The following ADORA1 variants were observed in gnomAD, a reference collection of about 807,000 sequenced individuals.
ADORA1 encodes adenosine A1 receptor, also known as adenosine receptor A1.
In ADORA1, 6 loss-of-function variants were observed where a neutral mutation model predicts 19.9. That is an observed-to-expected ratio of 0.30 (90% CI 0.17 to 0.59). The LOEUF (loss-of-function observed/expected upper bound fraction) is 0.59, where lower values mean the gene tolerates loss of function less well. ADORA1 is among the 20% of genes least tolerant of loss of function. The pLI, the probability that ADORA1 is intolerant of heterozygous loss-of-function variation, is 0.87. For missense variants in ADORA1, 302 were observed against 439.2 expected, an observed-to-expected ratio of 0.69 and a Z score of 2.79; for synonymous variants, 194 against 188.4, an observed-to-expected ratio of 1.03 and a Z score of -0.24.
intron 3 of ADORA1, among the ~76,000 whole-genome samples, chr1:203,131,452 C>T (rs916192772): frequency 5.3e-5 from 8 of 152,220 alleles, no homozygotes; most frequent in Admixed American, 1.3e-4. Flanking sequence ...CCTCAGTAAA[C>T]GTTGATTGAA....
chr1:203,165,414 C>G lies in ADORA1; in HGVS notation c.495C>G (p.Pro165=). Residue 165 remains proline (P), a synonymous_variant, in exon 4 of 4, where the codon CCC becomes CCG. Transcript: ENST00000337894. This position sits in a 1 kb window ranked among gnomAD's most constrained non-coding sequence, Gnocchi z 5.9. ...CAGCCAACGGCAGCATGGGGGAGCC[C>G]GTGATCAAGTGCGAGTTCGAGAAGG... ...AWAANGSMGE[P]VIKCEFEKVI... 6.2e-7 allele frequency: 1 copy of G among 1,611,564 alleles called. No homozygotes were observed. The highest frequency in any genetic ancestry group is 8.5e-7 in the Non-Finnish European group (1 of 1,178,840).
At chr1:203,155,016 TTTATTA>T (rs4020534) in intron 3 of ADORA1, among the ~76,000 whole-genome samples, 37,240 of 142,192 alleles carry the variant, frequency 0.26, 5,379 homozygotes, top group Middle Eastern at 0.37. Context: ...GCTCTTCCTA[TTTATTA>T]TTATTATTAT....
chr1:203,161,990 C>T (rs1370307524), intron 3 of ADORA1, among the ~76,000 whole-genome samples: 2 of 152,212 alleles, frequency 1.3e-5, no homozygotes, highest in African/African-American at 2.4e-5. Context: ...CTGAGCTGCA[C>T]ACTCCTGAGA....
Position 203,128,200 on chromosome 1 carries a change from CA to C in ADORA1, c.-212-77del. 1 of 618,476 alleles carries C rather than the reference CA, an allele frequency of 1.6e-6. No homozygotes were observed. The highest frequency in any genetic ancestry group is 1.9e-5 in the African/African-American group (1 of 51,378). 38.3% of individuals were successfully genotyped at this position (618,476 alleles called of 1,614,324 possible). ...AGACCCACGTCTGCCACCCCAGTCC[CA>C]GGTGCGAAACAGGGGCGCTACCTCT... On this transcript the variant is annotated intron_variant, in intron 1 of 3. Transcript: ENST00000337894. This position sits in a 1 kb window ranked among gnomAD's most constrained non-coding sequence, Gnocchi z 5.9.
intron 3 of ADORA1, among the ~76,000 whole-genome samples, chr1:203,161,193 C>T (rs780769743): frequency 1.3e-5 from 2 of 152,242 alleles, no homozygotes; most frequent in African/African-American, 2.4e-5. Context: ...CTTTCCCTCT[C>T]AGGGTCTCTG....
chr1:203,143,668 C>A (rs1052775988), intron 3 of ADORA1, among the ~76,000 whole-genome samples: 1 of 152,222 alleles, frequency 6.6e-6, no homozygotes, highest in Non-Finnish European at 1.5e-5. Context: ...TCCATGCAGC[C>A]CCTGCCCCCA....
intron 3 of ADORA1, among the ~76,000 whole-genome samples, chr1:203,146,102 G>A (rs1357676321): frequency 1.3e-5 from 2 of 152,008 alleles, no homozygotes; most frequent in African/African-American, 4.8e-5. Context: ...TCTCAAGGAA[G>A]GAAGACTTGC....
In ADORA1 at chr1:203,147,383, C is replaced by T. The variant is rs181182073; in HGVS notation, c.342-17878C>T. Among the ~76,000 whole-genome samples, 6 of 152,248 alleles carry T rather than the reference C, an allele frequency of 3.9e-5. No homozygotes were observed. The South Asian group carries it at 6.2e-4, about 16-fold the overall frequency. ...ACTGGTCACTCTGGTGAATCTGTGA[C>T]GGACCCTGCAGGGATTTGTGTTCCT... On this transcript the variant is annotated intron_variant, in intron 3 of 3. Transcript: ENST00000337894.
intron 3 of ADORA1, among the ~76,000 whole-genome samples, chr1:203,161,511 G>A (rs1655366303): frequency 6.6e-6 from 1 of 151,458 alleles, no homozygotes; most frequent in Non-Finnish European, 1.5e-5. Context: ...ATTCCTTGTG[G>A]GATTTTATGC....
chr1:203,152,957 C>A (rs2102757118), intron 3 of ADORA1, among the ~76,000 whole-genome samples: 1 of 152,250 alleles, frequency 6.6e-6, no homozygotes, highest in Admixed American at 6.5e-5. Context: ...GGTTCAGAGG[C>A]AAATATACTT....
chr1:203,146,293 G>T (rs367548458), intron 3 of ADORA1, among the ~76,000 whole-genome samples: 1 of 152,162 alleles, frequency 6.6e-6, no homozygotes, highest in Middle Eastern at 3.4e-3. Flanking sequence ...ACTTCCCTTC[G>T]CCACTGTCTT....
Position 203,153,367 on chromosome 1 carries a change from G to T in ADORA1, c.342-11894G>T, listed in dbSNP as rs150743575. On this transcript the variant is annotated intron_variant, in intron 3 of 3. Transcript: ENST00000337894. The stretch of plus-strand genomic sequence containing the variant: ...AATCCGAAGGACAGACAGTTGGGGA[G>T]GTTGCCAGAATAGAGGGTGTTACTG... Among the ~76,000 whole-genome samples the T allele has an allele frequency of 7.5e-4, 114 of 152,306 alleles. No individual in the cohort carries two copies. The East Asian group carries it at 0.021, about 28-fold the overall frequency.
At chr1:203,156,448 G>T (rs1292133383) in intron 3 of ADORA1, among the ~76,000 whole-genome samples, 1 of 152,186 alleles carries the variant, frequency 6.6e-6, no homozygotes, top group Non-Finnish European at 1.5e-5. Context: ...CCTGAGGTAG[G>T]AGAGTGCCCC....
intron 3 of ADORA1, among the ~76,000 whole-genome samples, chr1:203,132,815 C>G (rs896379585): frequency 5.3e-5 from 8 of 152,172 alleles, no homozygotes; most frequent in African/African-American, 1.7e-4. Context: ...CCACTACACT[C>G]TAGCCTGGGC....
chr1:203,136,409 C>T (rs1654509152), intron 3 of ADORA1, among the ~76,000 whole-genome samples: 1 of 152,120 alleles, frequency 6.6e-6, no homozygotes, highest in African/African-American at 2.4e-5. Context: ...AATTTTATTC[C>T]CCAGCAGAAC....
chr1:203,156,131 A>G (rs1300406007), intron 3 of ADORA1, among the ~76,000 whole-genome samples: 1 of 152,244 alleles, frequency 6.6e-6, no homozygotes, highest in Non-Finnish European at 1.5e-5. Flanking sequence ...AGTGGTTAAC[A>G]TGCCAAAGGT....
chr1:203,157,013 G>A (rs1655217701), intron 3 of ADORA1, among the ~76,000 whole-genome samples: 2 of 152,366 alleles, frequency 1.3e-5, no homozygotes, highest in South Asian at 4.1e-4. Context: ...AGCTTTGAGG[G>A]ACACATTCAA....
chr1:203,133,577 G>C (rs1233690076), intron 3 of ADORA1, among the ~76,000 whole-genome samples: 1 of 152,226 alleles, frequency 6.6e-6, no homozygotes, highest in Admixed American at 6.5e-5. Context: ...CCAAGAAGCT[G>C]TAGGATTTTT....
At chr1:203,150,469 G>A (rs1167616256) in intron 3 of ADORA1, among the ~76,000 whole-genome samples, 2 of 152,220 alleles carry the variant, frequency 1.3e-5, no homozygotes, top group African/African-American at 4.8e-5. Context: ...TATGTGGAGG[G>A]ACACAGGGCA....
Sources: allele counts gnomAD v4.1 joint callset (sites outside exome capture counted in the v4.1 genomes callset), GRCh38; gene constraint gnomAD v4.1.1; non-coding constraint Gnocchi (gnomAD v3.1); transcripts MANE v1.5; gene names NCBI Gene and HGNC (gene_info 2026-07-23, HGNC 2026-07-21).